The following CLSTN1 variants were observed in gnomAD, a reference collection of about 807,000 sequenced individuals.
CLSTN1 encodes the protein calsyntenin-1.
CLSTN1 carries 28 observed loss-of-function variants against 108.3 expected under a neutral mutation model. That is an observed-to-expected ratio of 0.26 (90% CI 0.19 to 0.35). The LOEUF (loss-of-function observed/expected upper bound fraction) is 0.35, where lower values mean the gene tolerates loss of function less well. Among genes scored for constraint, CLSTN1 ranks in the 10% least tolerant of loss-of-function variants. The pLI is 1.00. For synonymous variants in CLSTN1, 524 were observed against 534.9 expected, an observed-to-expected ratio of 0.98 and a Z score of 0.28; for missense variants, 1,157 against 1,302.6, an observed-to-expected ratio of 0.89 and a Z score of 1.72.
rs776561781 is a variant in CLSTN1, at chr1:9,751,455, C to T, written c.649+18G>A. 8 of 1,613,020 alleles carry T rather than the reference C, an allele frequency of 5.0e-6. No homozygotes were observed. Among genetic ancestry groups the T allele is most frequent in the Non-Finnish European group, 6.8e-6 (8 of 1,179,158 alleles). On this transcript the variant is annotated intron_variant, in intron 5 of 18. Coordinates refer to ENST00000377298, the MANE Select transcript of CLSTN1 (RefSeq NM_001009566.3). ...GGGACTGTCTACCTAGCTGAAAAGC[C>T]GGCTCCTCGATTCTTACCATCTTTG... is the stretch of plus-strand genomic sequence containing the variant.
intron 1 of CLSTN1, among the ~76,000 whole-genome samples, chr1:9,818,023 T>A (rs903103942): frequency 8.8e-5 from 9 of 102,374 alleles, no homozygotes; most frequent in African/African-American, 1.8e-4. Context: ...TTTTTTTTTT[T>A]AGAGACAGAG....
intron 1 of CLSTN1, among the ~76,000 whole-genome samples, chr1:9,783,333 C>T (rs748804567): frequency 2.6e-5 from 4 of 152,112 alleles, no homozygotes; most frequent in Non-Finnish European, 5.9e-5. Context: ...AATCCCAACA[C>T]TTTGGGAGGC....
chr1:9,797,605 C>T (rs544834632), intron 1 of CLSTN1, among the ~76,000 whole-genome samples: 5 of 152,186 alleles, frequency 3.3e-5, no homozygotes, highest in Admixed American at 2.6e-4. Context: ...TATGCTACTG[C>T]ACCCCAGTCT....
At position 9,731,292 on chromosome 1, in the gene CLSTN1, G is replaced by C. The variant is rs760603431; in HGVS notation, c.2662C>G (p.Arg888Gly). Residue 888 changes from arginine to glycine, a missense_variant, in exon 18 of 19, where the codon CGG (arginine) becomes GGG (glycine). Coordinates refer to ENST00000377298, the MANE Select transcript of CLSTN1 (RefSeq NM_001009566.3). ...GVFRIRAAHR[R>G]TMRDQDTGKE... ...CCGGTGTCCTGATCCCGCATGGTCCGCCGATGTGCGGCCCGGATCCGAAAT... is the reference window on the plus strand; with the variant it reads ...CCGGTGTCCTGATCCCGCATGGTCCCCCGATGTGCGGCCCGGATCCGAAAT... 6.2e-7 allele frequency: 1 copy of C among 1,614,228 alleles called. No homozygotes were observed. The highest frequency in any genetic ancestry group is 2.2e-5 in the East Asian group (1 of 44,876).
intron 1 of CLSTN1, among the ~76,000 whole-genome samples, chr1:9,787,407 T>TC (rs1475808812): frequency 1.3e-5 from 2 of 149,224 alleles, no homozygotes; most frequent in African/African-American, 4.9e-5. Context: ...TTCTAATTTT[T>TC]TTTTTTTTTT....
chr1:9,759,397 T>A (rs1357634773), intron 2 of CLSTN1, among the ~76,000 whole-genome samples: 1 of 152,170 alleles, frequency 6.6e-6, no homozygotes, highest in African/African-American at 2.4e-5. Flanking sequence ...CACCTCAGCC[T>A]CCCGAGTAGC....
intron 1 of CLSTN1, among the ~76,000 whole-genome samples, chr1:9,820,775 C>A (rs956769528): frequency 2.6e-5 from 4 of 152,052 alleles, no homozygotes; most frequent in African/African-American, 9.7e-5. Flanking sequence ...TGAGGGGAAA[C>A]AGACGATAAA....
Position 9,743,895 on chromosome 1 carries a change from T to C in CLSTN1, c.1345A>G (p.Lys449Glu). The C allele has an allele frequency of 6.2e-7, 1 of 1,613,966 alleles. No homozygotes were observed. ...TTCAATTCACTCACCTGATTCAACT[T>C]CCAGTGGAACTCTGCAGGTCTGTAT... ...KKYRPAEFHW[K>E]LNQVCDEEWH... is the part of the protein sequence containing the mutation. Residue 449 changes from lysine (K) to glutamate (E), a missense_variant, in exon 9 of 19, where the codon AAG (lysine) becomes GAG (glutamate). By Grantham distance (56) the Lys-to-Glu change is moderately conservative (BLOSUM62 1). Coordinates refer to ENST00000377298, the MANE Select transcript of CLSTN1 (RefSeq NM_001009566.3).
intron 2 of CLSTN1, among the ~76,000 whole-genome samples, chr1:9,759,662 T>C (rs1438479203): frequency 6.6e-6 from 1 of 152,208 alleles, no homozygotes; most frequent in East Asian, 1.9e-4. Flanking sequence ...GCTTTCACAC[T>C]GCAAGGGCAG....
In CLSTN1 at chr1:9,731,343, G is replaced by A. The variant is rs1171597460; in HGVS notation, c.2611C>T (p.Leu871=). The A allele has an allele frequency of 3.1e-6, 5 of 1,614,276 alleles. No individual in the cohort carries two copies. The highest frequency in any genetic ancestry group is 2.2e-5 in the East Asian group (1 of 44,884). ...ACCCCCAGGATAATCATGAACACCAGGAAGCTGACGCACACCACGATCACA... is the reference window on the plus strand; with the variant it reads ...ACCCCCAGGATAATCATGAACACCAAGAAGCTGACGCACACCACGATCACA... The part of the protein sequence containing the change: ...TVVIVVCVSF[L]VFMIILGVFR... Residue 871 remains leucine, a synonymous_variant, in exon 18 of 19, where the codon CTG becomes TTG. Coordinates refer to ENST00000377298, the MANE Select transcript of CLSTN1 (RefSeq NM_001009566.3).
chr1:9,748,040 T>A (rs901072434), intron 7 of CLSTN1, among the ~76,000 whole-genome samples: 1 of 145,462 alleles, frequency 6.9e-6, no homozygotes. Context: ...TGAGACTCTG[T>A]CTAAAAAAAA....
chr1:9,792,890 T>G (rs1288797848), intron 1 of CLSTN1, among the ~76,000 whole-genome samples: 1 of 151,278 alleles, frequency 6.6e-6, no homozygotes, highest in African/African-American at 2.4e-5. Flanking sequence ...CTAAGTTTTG[T>G]GAAACGGAGT....
chr1:9,814,230 T>C (rs1160321154), intron 1 of CLSTN1, among the ~76,000 whole-genome samples: 4 of 126,224 alleles, frequency 3.2e-5, no homozygotes, highest in Non-Finnish European at 6.6e-5. Flanking sequence ...GGCAATATGG[T>C]AAAACCCCAT....
intron 1 of CLSTN1, among the ~76,000 whole-genome samples, chr1:9,778,112 A>G (rs945799785): frequency 1.3e-5 from 2 of 152,046 alleles, no homozygotes; most frequent in African/African-American, 4.8e-5. Context: ...CCCATCTCAT[A>G]GGTCGTTGTG....
chr1:9,789,331 C>T (rs904604834), intron 1 of CLSTN1, among the ~76,000 whole-genome samples: 1 of 151,462 alleles, frequency 6.6e-6, no homozygotes, highest in Non-Finnish European at 1.5e-5. Flanking sequence ...GATTTCTCCA[C>T]CTCCTTCCCA....
chr1:9,804,190 G>A (rs1395107843), intron 1 of CLSTN1, among the ~76,000 whole-genome samples: 6 of 151,726 alleles, frequency 4.0e-5, no homozygotes, highest in South Asian at 2.1e-4. Context: ...GTGAAACCTC[G>A]TCTCTACTAA....
At chr1:9,767,906 G>A (rs1342706158) in intron 2 of CLSTN1, among the ~76,000 whole-genome samples, 2 of 152,152 alleles carry the variant, frequency 1.3e-5, no homozygotes, top group African/African-American at 2.4e-5. Flanking sequence ...GGCAAATACT[G>A]TAGGTGGTAA....
chr1:9,749,909 A>G lies in CLSTN1; in HGVS notation c.654T>C (p.Tyr218=), dbSNP rs1444341383. The change falls in exon 6 of 19, where the codon TAT becomes TAC. Residue 218 remains tyrosine (Y), a synonymous_variant. Coordinates refer to ENST00000377298, the MANE Select transcript of CLSTN1 (RefSeq NM_001009566.3). ...AGTTTAATTTCTCTGTGTTTTTTAT[A>G]TAACCTTACAGAGGGCAAAAACAAC... ...DVPFTVDKDG[Y]IKNTEKLNYG... is the part of the protein sequence containing the mutation. 4.3e-6 allele frequency: 7 copies of G among 1,613,716 alleles called. No individual in the cohort carries two copies. Among genetic ancestry groups the G allele is most frequent in the Middle Eastern group, 1.6e-4 (1 of 6,062 alleles).
At chr1:9,776,594 A>G (rs1271065119) in intron 1 of CLSTN1, among the ~76,000 whole-genome samples, 2 of 152,146 alleles carry the variant, frequency 1.3e-5, no homozygotes, top group Non-Finnish European at 1.5e-5. Flanking sequence ...AAAGGTCACA[A>G]AAGCCAAGTA....
Sources: allele counts gnomAD v4.1 joint callset (sites outside exome capture counted in the v4.1 genomes callset), GRCh38; gene constraint gnomAD v4.1.1; transcripts MANE v1.5; gene names NCBI Gene and HGNC (gene_info 2026-07-23, HGNC 2026-07-21).